Variants in DLG2 observed in about 807,000 individuals in gnomAD.
DLG2 encodes the protein disks large homolog 2.
In DLG2, 45 loss-of-function variants were observed where a neutral mutation model predicts 132.5. That is an observed-to-expected ratio of 0.34 (90% CI 0.27 to 0.44). The LOEUF is 0.44. DLG2 is among the 20% of genes least tolerant of loss of function. DLG2 has a pLI of 1.00. For missense variants in DLG2, 1,045 were observed against 1,196.9 expected (o/e 0.87, Z 1.87); for synonymous variants, 424 against 419.6 (o/e 1.01, Z -0.13).
At chr11:84,746,842 G>A (rs1371040469) in intron 6 of DLG2, among the ~76,000 whole-genome samples, 5 of 152,052 alleles carry the variant, frequency 3.3e-5, no homozygotes, top group African/African-American at 1.2e-4. Flanking sequence ...GCATGGGGAT[G>A]GTGTATCCTC....
intron 6 of DLG2, among the ~76,000 whole-genome samples, chr11:84,630,539 T>C (rs2099629758): frequency 6.6e-6 from 1 of 152,148 alleles, no homozygotes; most frequent in Non-Finnish European, 1.5e-5. Flanking sequence ...AACTTAACTA[T>C]AAAAAATTTA....
At chr11:83,585,396 C>T (rs1206317293) in intron 19 of DLG2, among the ~76,000 whole-genome samples, 2 of 152,130 alleles carry the variant, frequency 1.3e-5, no homozygotes, top group East Asian at 3.9e-4. Flanking sequence ...AAAGAGATAG[C>T]TTGTGTAGCT....
intron 18 of DLG2, among the ~76,000 whole-genome samples, chr11:83,711,463 T>C (rs1036485055): frequency 2.0e-5 from 3 of 152,198 alleles, no homozygotes; most frequent in Admixed American, 6.5e-5. Context: ...ACTGTCGTCA[T>C]AGGGCAGGCA....
intron 18 of DLG2, among the ~76,000 whole-genome samples, chr11:83,640,231 C>T (rs958809352): frequency 5.9e-5 from 9 of 152,112 alleles, no homozygotes; most frequent in Admixed American, 5.9e-4. Context: ...GCTGTACACA[C>T]GCGATGCTTT....
At chr11:84,616,514 T>G (rs563461542) in intron 6 of DLG2, among the ~76,000 whole-genome samples, 4 of 152,106 alleles carry the variant, frequency 2.6e-5, no homozygotes, top group Admixed American at 1.3e-4. Context: ...CACAAAGCAC[T>G]GTCCAGTAGA....
intron 7 of DLG2, among the ~76,000 whole-genome samples, chr11:84,263,917 A>G (rs75185130): frequency 0.01 from 1,582 of 152,294 alleles, 25 homozygotes; most frequent in African/African-American, 0.034. Context: ...ACTTGTTTCT[A>G]AACAATGGCA....
At chr11:84,673,626 A>G (rs1203577547) in intron 6 of DLG2, among the ~76,000 whole-genome samples, 1 of 151,326 alleles carries the variant, frequency 6.6e-6, no homozygotes, top group Non-Finnish European at 1.5e-5. Context: ...AATTAAAATA[A>G]ATAAATAAAT....
chr11:84,570,099 A>G (rs967000446), intron 6 of DLG2, among the ~76,000 whole-genome samples: 2 of 152,210 alleles, frequency 1.3e-5, no homozygotes, highest in African/African-American at 4.8e-5. Context: ...CTGTTAATCT[A>G]TATTTGTAGA....
chr11:84,342,442 T>C (rs534482430), intron 7 of DLG2, among the ~76,000 whole-genome samples: 1 of 152,222 alleles, frequency 6.6e-6, no homozygotes, highest in Non-Finnish European at 1.5e-5. Flanking sequence ...ATATGGGTGT[T>C]ATATTTTTAA....
intron 8 of DLG2, among the ~76,000 whole-genome samples, chr11:84,174,321 T>C (rs931470279): frequency 7.9e-5 from 12 of 152,228 alleles, no homozygotes; most frequent in Admixed American, 7.9e-4. Flanking sequence ...TGAGGTTTAT[T>C]TTCCTAAAAT....
chr11:84,925,605 T>G (rs10792790), intron 6 of DLG2, among the ~76,000 whole-genome samples: 57,248 of 151,984 alleles, frequency 0.38, 11,446 homozygotes, highest in East Asian at 0.67. Context: ...AAGGAATTCA[T>G]CAGAACAGTA....
intron 19 of DLG2, among the ~76,000 whole-genome samples, chr11:83,615,962 G>A (rs919516991): frequency 2.6e-5 from 4 of 152,036 alleles, no homozygotes; most frequent in African/African-American, 9.7e-5. Flanking sequence ...TAAATTTGTG[G>A]TGATTTGTTT....
chr11:84,459,965 G>C (rs1314400006), intron 7 of DLG2, among the ~76,000 whole-genome samples: 1 of 150,574 alleles, frequency 6.6e-6, no homozygotes, highest in Non-Finnish European at 1.5e-5. Context: ...GATTCTTTTA[G>C]TCTTTCAACA....
chr11:84,772,297 C>T (rs1279668299), intron 6 of DLG2, among the ~76,000 whole-genome samples: 1 of 152,114 alleles, frequency 6.6e-6, no homozygotes, highest in East Asian at 1.9e-4. Flanking sequence ...ATTCATAAAA[C>T]ATGCACTTCT....
In DLG2 at chr11:84,086,502, T is replaced by A. The variant is rs894807380; in HGVS notation, c.749+12421A>T. Among the ~76,000 whole-genome samples the A allele has an allele frequency of 1.1e-4, 16 of 150,626 alleles. 1 individual carries two copies. The highest frequency in any genetic ancestry group is 4.0e-4 in the Admixed American group (6 of 15,118). ...CTTTTTCTTTCTTTCTTTTTTTTTT[T>A]TTTTTGAGACAAGGTGTTGCTCTGC... On this transcript the variant is annotated intron_variant, in intron 10 of 27. Coordinates refer to ENST00000376104, the MANE Select transcript of DLG2 (RefSeq NM_001142699.3).
At chr11:83,563,648 G>A (rs1208722450) in intron 19 of DLG2, among the ~76,000 whole-genome samples, 2 of 152,184 alleles carry the variant, frequency 1.3e-5, no homozygotes, top group African/African-American at 4.8e-5. Context: ...ATTATCTCGA[G>A]TTCTCAAGAG....
intron 6 of DLG2, among the ~76,000 whole-genome samples, chr11:84,719,342 GCTCT>G (rs772768113): frequency 3.6e-4 from 55 of 152,122 alleles, no homozygotes; most frequent in Non-Finnish European, 6.8e-4. Flanking sequence ...GATGAAGAAA[GCTCT>G]CTCTCTTTCT....
chr11:85,504,734 T>C (rs1421880350), intron 3 of DLG2, among the ~76,000 whole-genome samples: 3 of 152,226 alleles, frequency 2.0e-5, no homozygotes, highest in African/African-American at 7.2e-5. Flanking sequence ...AGGTAGTTTT[T>C]TCCAATTCTG....
intron 7 of DLG2, among the ~76,000 whole-genome samples, chr11:84,340,665 G>A (rs1430358313): frequency 2.0e-5 from 3 of 152,108 alleles, no homozygotes; most frequent in African/African-American, 7.2e-5. Context: ...ACTGAAACAG[G>A]TATCTCCTGA....
Sources: allele counts gnomAD v4.1 joint callset (sites outside exome capture counted in the v4.1 genomes callset), GRCh38; gene constraint gnomAD v4.1.1; transcripts MANE v1.5; gene names NCBI Gene and HGNC (gene_info 2026-07-23, HGNC 2026-07-21).